The following ADARB1 variants were observed in gnomAD, a reference collection of about 807,000 sequenced individuals.
The protein encoded by ADARB1 is double-stranded RNA-specific editase 1.
In ADARB1, 10 loss-of-function variants were observed where a neutral mutation model predicts 52.4. The observed-to-expected ratio is 0.19, with a 90% CI of 0.12 to 0.32. The LOEUF (loss-of-function observed/expected upper bound fraction) is 0.32, where lower values mean the gene tolerates loss of function less well. ADARB1 is among the 10% of genes least tolerant of loss of function. The probability of loss-of-function intolerance (pLI) is 1.00; values close to 1 mark genes in which losing one functional copy is unlikely to be tolerated. For synonymous variants in ADARB1, 349 were observed against 371.1 expected (o/e 0.94, Z 0.68); for missense variants, 643 against 922.3 (o/e 0.70, Z 3.92).
chr21:45,183,943 A>C (rs1461590515), intron 7 of ADARB1, among the ~76,000 whole-genome samples: 1 of 152,162 alleles, frequency 6.6e-6, no homozygotes, highest in Non-Finnish European at 1.5e-5. Flanking sequence ...ATTTTTTTCC[A>C]TCCTTCTTTA....
At chr21:45,127,063 G>A (rs2088627076) in intron 1 of ADARB1, among the ~76,000 whole-genome samples, 1 of 152,168 alleles carries the variant, frequency 6.6e-6, no homozygotes, top group Admixed American at 6.5e-5. Context: ...TGGCTCTTTG[G>A]ATTGAGGGAG....
intron 8 of ADARB1, among the ~76,000 whole-genome samples, chr21:45,189,902 ATTAAAATGTGTC>A (rs1239928011): frequency 6.6e-6 from 1 of 152,134 alleles, no homozygotes; most frequent in African/African-American, 2.4e-5. Flanking sequence ...AGACAGTTTG[ATTAAAATGTGTC>A]TTAGTGTGGT....
At chr21:45,144,614 C>T (rs1449856091) in intron 2 of ADARB1, 2 of 448,236 alleles carry the variant, frequency 4.5e-6, no homozygotes, top group East Asian at 7.0e-5. Context: ...TTATGTTTCT[C>T]TTCAATAATC....
chr21:45,174,750 A>C (rs1348587428), intron 3 of ADARB1, among the ~76,000 whole-genome samples: 1 of 152,162 alleles, frequency 6.6e-6, no homozygotes, highest in Non-Finnish European at 1.5e-5. Context: ...TAAATAAATA[A>C]AATTTAAAAA....
chr21:45,158,472 A>G (rs746109164), intron 2 of ADARB1, among the ~76,000 whole-genome samples: 1 of 152,226 alleles, frequency 6.6e-6, no homozygotes, highest in Non-Finnish European at 1.5e-5. Flanking sequence ...TAGTGATAAT[A>G]GGATGGAATA....
rs1172888055 is a variant in ADARB1, at chr21:45,210,641, A to T, written c.1747+5905A>T. 2.0e-5 allele frequency among the ~76,000 whole-genome samples: 3 copies of T among 152,290 alleles called. No individual in the cohort carries two copies. In the South Asian group the frequency reaches 6.2e-4, roughly 32 times the overall value. ...GGCCGGGCCTGCCGTCACCCTTCAC[A>T]GTGGAAGCAGCCGCAGCCGGCAGAC... On this transcript the variant is annotated intron_variant, in intron 9 of 10. Coordinates refer to ENST00000348831, the MANE Select transcript of ADARB1 (RefSeq NM_001112.4).
chr21:45,222,854 A>T lies in ADARB1; in HGVS notation c.*657A>T. 1.0e-6 allele frequency: 1 copy of T among 985,514 alleles called. No individual in the cohort carries two copies. The highest frequency in any genetic ancestry group is 1.2e-6 in the Non-Finnish European group (1 of 829,998). 61.0% of individuals were successfully genotyped at this position (985,514 alleles called of 1,614,324 possible). On this transcript the variant is annotated 3_prime_UTR_variant, in exon 11 of 11. Coordinates refer to ENST00000348831, the MANE Select transcript of ADARB1 (RefSeq NM_001112.4). ...GGTGTAGCGTGGCCCTGTCATGCAC[A>T]TGGGGTCCCGCAGCAGTGACTGTGT...
intron 1 of ADARB1, among the ~76,000 whole-genome samples, chr21:45,086,051 G>A (rs2086329806): frequency 6.6e-6 from 1 of 152,188 alleles, no homozygotes; most frequent in South Asian, 2.1e-4. Flanking sequence ...ATGATTTTGA[G>A]CTACGGTGTA....
In ADARB1 at chr21:45,224,763, A is replaced by G. The variant is rs1415152264; in HGVS notation, c.*2566A>G. The stretch of plus-strand genomic sequence containing the variant: ...TGGGGAGGAAGGTGACGTGCAGGGG[A>G]CCAGAGGCTCTGCACTGCTCCTAGG... On this transcript the variant is annotated 3_prime_UTR_variant, in exon 11 of 11. Transcript: ENST00000348831. The G allele has an allele frequency of 7.2e-6, 7 of 967,522 alleles. No homozygotes were observed. Among genetic ancestry groups the G allele is most frequent in the Non-Finnish European group, 8.5e-6 (7 of 822,984 alleles). The allele number at this position is 967,522 out of a possible 1,614,324, so 59.9% of individuals were successfully genotyped here.
chr21:45,199,792 G>T (rs915672184), intron 8 of ADARB1, among the ~76,000 whole-genome samples: 1 of 152,180 alleles, frequency 6.6e-6, no homozygotes, highest in Non-Finnish European at 1.5e-5. Context: ...ACCAACAAAG[G>T]ATTCGACTTG....
intron 1 of ADARB1, among the ~76,000 whole-genome samples, chr21:45,116,700 G>A (rs2087844270): frequency 6.6e-6 from 1 of 152,158 alleles, no homozygotes; most frequent in East Asian, 1.9e-4. Context: ...GAAGTGTCCA[G>A]CAAAATGGGG....
intron 2 of ADARB1, 43 bp from the exon 3 acceptor site, chr21:45,171,567 C>T (rs777358015): frequency 8.2e-7 from 1 of 1,217,790 alleles, no homozygotes; most frequent in Non-Finnish European, 1.2e-6. Flanking sequence ...CATATTACTC[C>T]TGTCATAGGC....
chr21:45,090,716 C>T (rs2086529256), intron 1 of ADARB1, among the ~76,000 whole-genome samples: 1 of 152,156 alleles, frequency 6.6e-6, no homozygotes, highest in African/African-American at 2.4e-5. Context: ...CTCCTACCCT[C>T]CCCAGGAGGA....
chr21:45,160,637 C>A lies in ADARB1; in HGVS notation c.-47-10973C>A, dbSNP rs1355884581. The stretch of plus-strand genomic sequence containing the variant: ...AGATTTTATGTGTCTGGAATTCTTA[C>A]TAAAAATCTTCCTGGATATGACTTC... On this transcript the variant is annotated intron_variant, in intron 2 of 10. Coordinates refer to ENST00000348831, the MANE Select transcript of ADARB1 (RefSeq NM_001112.4). Among the ~76,000 whole-genome samples the A allele has an allele frequency of 2.0e-5, 3 of 152,366 alleles. No individual in the cohort carries two copies. The East Asian group carries it at 5.8e-4, about 29-fold the overall frequency.
At chr21:45,174,711 A>G (rs2091623803) in intron 3 of ADARB1, among the ~76,000 whole-genome samples, 1 of 152,080 alleles carries the variant, frequency 6.6e-6, no homozygotes, top group Admixed American at 6.6e-5. Context: ...ACATACATAC[A>G]TACATACATA....
At chr21:45,088,279 C>T (rs751715248) in intron 1 of ADARB1, among the ~76,000 whole-genome samples, 7 of 152,144 alleles carry the variant, frequency 4.6e-5, no homozygotes, top group African/African-American at 7.2e-5. Flanking sequence ...AAGCAGGGCT[C>T]CTTGCAGAAG....
intron 9 of ADARB1, among the ~76,000 whole-genome samples, chr21:45,219,563 G>A (rs2092926465): frequency 6.6e-6 from 1 of 152,270 alleles, no homozygotes; most frequent in East Asian, 1.9e-4. Flanking sequence ...AACCATGTCA[G>A]TGCAGTCTTT....
chr21:45,141,983 T>G (rs898304551), intron 2 of ADARB1, among the ~76,000 whole-genome samples: 5 of 150,814 alleles, frequency 3.3e-5, no homozygotes, highest in African/African-American at 1.2e-4. Flanking sequence ...CCTTTCACCT[T>G]AGTCACTCAT....
Position 45,225,770 on chromosome 21 carries a change from A to G in ADARB1, c.*3573A>G. On this transcript the variant is annotated 3_prime_UTR_variant, in exon 11 of 11. Coordinates refer to ENST00000348831, the MANE Select transcript of ADARB1 (RefSeq NM_001112.4). ...TCTTTCCCACCTCTAAATTCTGTAA[A>G]ATTATAGACTTGCTCAAAAGATTCC... The G allele has an allele frequency of 2.5e-6, 1 of 401,254 alleles. No individual in the cohort carries two copies. The highest frequency in any genetic ancestry group is 4.4e-6 in the Non-Finnish European group (1 of 229,266). 24.9% of individuals were successfully genotyped at this position (401,254 alleles called of 1,614,324 possible).
Sources: allele counts gnomAD v4.1 joint callset (sites outside exome capture counted in the v4.1 genomes callset), GRCh38; gene constraint gnomAD v4.1.1; transcripts MANE v1.5; gene names NCBI Gene and HGNC (gene_info 2026-07-23, HGNC 2026-07-21).